CKAP2L: variants seen among roughly 807,000 people sequenced by gnomAD.
The protein encoded by CKAP2L is cytoskeleton associated protein 2L, also known as cytoskeleton-associated protein 2-like.
CKAP2L carries 42 observed loss-of-function variants against 65.7 expected under a neutral mutation model. The observed-to-expected ratio is 0.64, with a 90% CI of 0.50 to 0.83. CKAP2L has a LOEUF of 0.83. CKAP2L is among the 40% of genes least tolerant of loss of function. The probability of loss-of-function intolerance (pLI) is 0.00; values close to 1 mark genes in which losing one functional copy is unlikely to be tolerated. For missense variants in CKAP2L, 908 were observed against 871.0 expected (o/e 1.04, Z -0.53); for synonymous variants, 325 against 313.5 (o/e 1.04, Z -0.39).
At position 112,756,330 on chromosome 2, in the gene CKAP2L, T is replaced by C. The variant is rs531044518; in HGVS notation, c.1041A>G (p.Arg347=). 13 of 1,613,804 alleles carry C rather than the reference T, an allele frequency of 8.1e-6. No homozygotes were observed. Among genetic ancestry groups the C allele is most frequent in the Middle Eastern group, 1.6e-4 (1 of 6,062 alleles). ...PSLLQGEYNN[R]HPNIKQDQKS... ...TCTGATCTTGCTTGATGTTTGGATG[T>C]CTGTTGTTATATTCACCCTGAAGCA... The change falls in exon 4 of 9, where the codon AGA becomes AGG. Residue 347 remains arginine (R), a synonymous_variant. Transcript: ENST00000302450.
At chr2:112,749,943 G>GT (rs2104873470) in intron 5 of CKAP2L, among the ~76,000 whole-genome samples, 1 of 152,306 alleles carries the variant, frequency 6.6e-6, no homozygotes, top group South Asian at 2.1e-4. Context: ...CACCCTGGCA[G>GT]TAACAGTTGG....
rs1361993950 is a variant in CKAP2L at position 112,756,197 on chromosome 2, TTGGAA to T, written c.1169_1173del (p.Ile390LysfsTer4). ...CCATTTGGTCTTATGCTAGGGGTGC[TTGGAA>T]TGGCTGAATTAAATCTGCCAACTGT... On this transcript the variant is annotated frameshift_variant, in exon 4 of 9. Coordinates refer to ENST00000302450, the MANE Select transcript of CKAP2L (RefSeq NM_152515.5). LOFTEE classifies it high-confidence loss of function. 1.2e-6 allele frequency: 2 copies of T among 1,614,206 alleles called. No homozygotes were observed. The highest frequency in any genetic ancestry group is 1.7e-6 in the Non-Finnish European group (2 of 1,180,022).
chr2:112,747,851 A>G (rs566287989), intron 5 of CKAP2L, among the ~76,000 whole-genome samples: 10 of 152,370 alleles, frequency 6.6e-5, no homozygotes, highest in African/African-American at 2.2e-4. Flanking sequence ...TATCACAGTC[A>G]ATATCTTCAG....
intron 1 of CKAP2L, 99 bp from the exon 2 acceptor site, chr2:112,762,668 G>T: frequency 1.0e-6 from 1 of 985,220 alleles, no homozygotes; most frequent in Non-Finnish European, 1.6e-6. Context: ...TAGTGATTTT[G>T]CCTTTGCAAC....
rs772519459 is a variant in CKAP2L at position 112,752,456 on chromosome 2, C to T, written c.1413G>A (p.Trp471Ter). The T allele has an allele frequency of 6.2e-7, 1 of 1,605,648 alleles. No homozygotes were observed. Among genetic ancestry groups the T allele is most frequent in the Non-Finnish European group, 8.5e-7 (1 of 1,175,914 alleles). ...TATAGGTTTTTCCCTTAGATTTCTG[C>T]CATTCTTCTAGTTGTTTCCTGAAAT... ...AEDRRKQLEE[W>*]QKSKGKTYKR... The change falls in exon 5 of 9, where the codon TGG becomes TGA. Residue 471 changes from tryptophan (W) to a stop codon, truncating the protein, a stop_gained. Transcript: ENST00000302450. LOFTEE classifies it high-confidence loss of function.
chr2:112,751,442 G>C (rs1454981464), intron 5 of CKAP2L, among the ~76,000 whole-genome samples: 4 of 152,204 alleles, frequency 2.6e-5, no homozygotes, highest in Admixed American at 2.6e-4. Context: ...ATGTATGTTT[G>C]TAGAGGGAGA....
At chr2:112,750,949 A>G (rs1466157625) in intron 5 of CKAP2L, among the ~76,000 whole-genome samples, 2 of 152,106 alleles carry the variant, frequency 1.3e-5, no homozygotes, top group Non-Finnish European at 2.9e-5. Context: ...AATGAGAAAA[A>G]ATCTTTGGCA....
chr2:112,737,715 G>A lies in CKAP2L; in HGVS notation c.*1108C>T, dbSNP rs1031584788. The A allele has an allele frequency of 6.6e-6, 1 of 152,128 alleles. No homozygotes were observed. Among genetic ancestry groups the A allele is most frequent in the African/African-American group, 2.4e-5 (1 of 41,424 alleles). The allele number at this position is 152,128 out of a possible 1,614,324, so 9.4% of individuals were successfully genotyped here. A position where few individuals can be genotyped will look rare whatever the true frequency, so the allele number is the denominator to read the frequency against. The stretch of plus-strand genomic sequence containing the variant: ...CCTTAAAAAAATCTAGTTCCTGGAT[G>A]AGGCTGATAGACCTTTGATCAAAGT... On this transcript the variant is annotated 3_prime_UTR_variant, in exon 9 of 9. Coordinates refer to ENST00000302450, the MANE Select transcript of CKAP2L (RefSeq NM_152515.5).
intron 6 of CKAP2L, among the ~76,000 whole-genome samples, chr2:112,744,937 CA>C (rs1680155402): frequency 2.6e-5 from 4 of 151,952 alleles, no homozygotes; most frequent in Admixed American, 2.6e-4. Flanking sequence ...AAAGAACAAA[CA>C]AACAATAACA....
chr2:112,740,972 T>C lies in CKAP2L; in HGVS notation c.1858A>G (p.Ile620Val), dbSNP rs772413881. Reference sequence around the variant, plus strand: ...TTGGCCAGCTCTTCCACTGATGTTATACTAGTTTCAGCAACTAAAGAGTCA... The same window carrying C: ...TTGGCCAGCTCTTCCACTGATGTTACACTAGTTTCAGCAACTAAAGAGTCA... The part of the protein sequence containing the change: ...TSDSLVAETS[I>V]TSVEELAKKM... Residue 620 changes from isoleucine (I) to valine (V), a missense_variant, in exon 8 of 9, where the codon ATA (isoleucine) becomes GTA (valine). Transcript: ENST00000302450. 3.1e-5 allele frequency: 50 copies of C among 1,613,698 alleles called. No homozygotes were observed. Among genetic ancestry groups the C allele is most frequent in the Non-Finnish European group, 4.1e-5 (48 of 1,179,758 alleles).
chr2:112,742,330 G>C (rs181683209), intron 7 of CKAP2L: 3 of 713,068 alleles, frequency 4.2e-6, no homozygotes, highest in Non-Finnish European at 7.8e-6. Flanking sequence ...TTTTTAAAGC[G>C]TAACACAAAT....
chr2:112,752,139 CT>C, intron 5 of CKAP2L, 127 bp downstream of exon 5: 1 of 661,394 alleles, frequency 1.5e-6, no homozygotes, highest in South Asian at 2.0e-5. Context: ...TATTATTACT[CT>C]GTATTTACAA....
intron 1 of CKAP2L, among the ~76,000 whole-genome samples, chr2:112,763,088 A>C (rs1362899490): frequency 6.6e-6 from 1 of 152,204 alleles, no homozygotes; most frequent in African/African-American, 2.4e-5. Context: ...ACTCGGCCTA[A>C]ATTTACATTA....
chr2:112,755,663 G>A (rs143578554), intron 4 of CKAP2L, among the ~76,000 whole-genome samples: 2 of 151,728 alleles, frequency 1.3e-5, no homozygotes, highest in Non-Finnish European at 2.9e-5. Flanking sequence ...AGTCTAGCAC[G>A]GCACTTATTG....
Position 112,752,294 on chromosome 2 carries a change from C to T in CKAP2L, c.1575G>A (p.Leu525=). ...LELSSKINNT[L]TECLNLIEGG... ...CTTCGATGAGGTTCAGACATTCTGT[C>T]AGAGTGTTGTTAATTTTACTGGACA... The change falls in exon 5 of 9, where the codon CTG becomes CTA. Residue 525 remains leucine, a synonymous_variant. Coordinates refer to ENST00000302450, the MANE Select transcript of CKAP2L (RefSeq NM_152515.5). The T allele has an allele frequency of 1.2e-6, 2 of 1,613,896 alleles. No individual in the cohort carries two copies. The highest frequency in any genetic ancestry group is 1.7e-6 in the Non-Finnish European group (2 of 1,179,888).
chr2:112,751,247 T>G (rs772569529), intron 5 of CKAP2L, among the ~76,000 whole-genome samples: 8 of 152,178 alleles, frequency 5.3e-5, no homozygotes, highest in Non-Finnish European at 7.4e-5. Context: ...CAGCATAACA[T>G]TGGTACTAGG....
rs886427173 is a variant in CKAP2L, at chr2:112,738,799, T to A, written c.*24A>T. The A allele has an allele frequency of 2.0e-6, 3 of 1,504,580 alleles. No individual in the cohort carries two copies. In the African/African-American group the frequency reaches 4.1e-5, roughly 21 times the overall value. 93.2% of individuals were successfully genotyped at this position (1,504,580 alleles called of 1,614,324 possible). The stretch of plus-strand genomic sequence containing the variant: ...TGTCTTATGTTGGTTCTGAAACACC[T>A]TTTTTAAAAAAAGCATCAAGAAATT... On this transcript the variant is annotated 3_prime_UTR_variant, in exon 9 of 9. Transcript: ENST00000302450.
At chr2:112,742,280 AG>A (rs966462265) in intron 7 of CKAP2L, 7 of 680,300 alleles carry the variant, frequency 1.0e-5, no homozygotes, top group Admixed American at 6.3e-5. Context: ...GACCACTGAC[AG>A]TGATGGTCAT....
At chr2:112,742,467 GA>G in intron 7 of CKAP2L, 1 of 717,948 alleles carries the variant, frequency 1.4e-6, no homozygotes, top group Non-Finnish European at 2.6e-6. Flanking sequence ...AAGGAAGTGG[GA>G]CACTCCAGTC....
Sources: allele counts gnomAD v4.1 joint callset (sites outside exome capture counted in the v4.1 genomes callset), GRCh38; gene constraint gnomAD v4.1.1; transcripts MANE v1.5; gene names NCBI Gene and HGNC (gene_info 2026-07-23, HGNC 2026-07-21).